OSBPL10: variants seen among roughly 807,000 people sequenced by gnomAD.
OSBPL10 encodes the protein oxysterol-binding protein-related protein 10.
Under a neutral mutation model 81.7 loss-of-function variants are expected in OSBPL10, and 49 were observed. That is an observed-to-expected ratio of 0.60 (90% confidence interval 0.48 to 0.76). OSBPL10 has a LOEUF of 0.76. Ranked by LOEUF, OSBPL10 falls within the 30% of genes least tolerant of loss-of-function variation. The pLI is 0.00. For missense variants in OSBPL10, 923 were observed against 987.8 expected (o/e 0.93, Z 0.88); for synonymous variants, 419 against 383.6 (o/e 1.09, Z -1.08).
chr3:31,824,943 A>T (rs558293412), intron 4 of OSBPL10, among the ~76,000 whole-genome samples: 1 of 152,148 alleles, frequency 6.6e-6, no homozygotes, highest in Non-Finnish European at 1.5e-5. Flanking sequence ...AGTATGGAAC[A>T]TTTCTGTTTT....
At chr3:31,823,358 G>A (rs1700025400) in intron 4 of OSBPL10, among the ~76,000 whole-genome samples, 1 of 152,188 alleles carries the variant, frequency 6.6e-6, no homozygotes, top group Non-Finnish European at 1.5e-5. Context: ...AATAAGATGT[G>A]ACCTTTCACA....
At chr3:31,790,436 T>C (rs971801532) in intron 4 of OSBPL10, among the ~76,000 whole-genome samples, 1 of 152,196 alleles carries the variant, frequency 6.6e-6, no homozygotes, top group African/African-American at 2.4e-5. Flanking sequence ...TCCTCAATCA[T>C]CCTCTGAATA....
chr3:32,012,510 G>A (rs1234580013), intron 2 of OSBPL10, among the ~76,000 whole-genome samples: 4 of 152,130 alleles, frequency 2.6e-5, no homozygotes, highest in African/African-American at 4.8e-5. Flanking sequence ...AAAGTCCATC[G>A]ATGCTAGGAA....
upstream of OSBPL10, among the ~76,000 whole-genome samples, chr3:31,982,225 T>C (rs1471846238): frequency 6.6e-6 from 1 of 152,202 alleles, no homozygotes; most frequent in Non-Finnish European, 1.5e-5. Flanking sequence ...TGGCTGTAAC[T>C]TCTGCGCCCC....
chr3:31,948,137 A>C (rs1697755098), intron 1 of OSBPL10, among the ~76,000 whole-genome samples: 1 of 152,052 alleles, frequency 6.6e-6, no homozygotes, highest in South Asian at 2.1e-4. Flanking sequence ...TTAGCAGCTA[A>C]CTCCCTCAAT....
chr3:31,997,532 G>T (rs1479294941), intron 2 of OSBPL10, among the ~76,000 whole-genome samples: 1 of 151,700 alleles, frequency 6.6e-6, no homozygotes, highest in Non-Finnish European at 1.5e-5. Flanking sequence ...CAAAATGCTG[G>T]GATTACAGCC....
chr3:31,923,879 T>C (rs1426332453), intron 1 of OSBPL10, among the ~76,000 whole-genome samples: 1 of 152,148 alleles, frequency 6.6e-6, no homozygotes, highest in Non-Finnish European at 1.5e-5. Flanking sequence ...CACAAATTCA[T>C]GTTATTTATA....
chr3:31,854,559 A>ATAT, intron 3 of OSBPL10, among the ~76,000 whole-genome samples: 2 of 152,338 alleles, frequency 1.3e-5, no homozygotes, highest in South Asian at 2.1e-4. Context: ...GACTATATAT[A>ATAT]ATTTTACAGT....
chr3:31,816,613 C>G (rs575535812), intron 4 of OSBPL10, among the ~76,000 whole-genome samples: 59 of 152,322 alleles, frequency 3.9e-4, no homozygotes, highest in Admixed American at 7.2e-4. Flanking sequence ...CTGTTAGTGG[C>G]TCCCTAAGGT....
At chr3:31,889,071 AG>A (rs1695817686) in intron 1 of OSBPL10, among the ~76,000 whole-genome samples, 1 of 152,248 alleles carries the variant, frequency 6.6e-6, no homozygotes, top group East Asian at 1.9e-4. Flanking sequence ...ACTAATCATT[AG>A]GAAAATGCAA....
At chr3:31,851,721 TCTC>T (rs1389540966) in intron 3 of OSBPL10, among the ~76,000 whole-genome samples, 1 of 152,124 alleles carries the variant, frequency 6.6e-6, no homozygotes, top group Non-Finnish European at 1.5e-5. Context: ...GTCATGCAGC[TCTC>T]CTCTGATTTG....
chr3:32,007,787 A>G (rs1407966112), intron 2 of OSBPL10, among the ~76,000 whole-genome samples: 1 of 150,570 alleles, frequency 6.6e-6, no homozygotes, highest in Admixed American at 6.6e-5. Context: ...GCTCACTGCA[A>G]CCTCCATCTC....
intron 4 of OSBPL10, among the ~76,000 whole-genome samples, chr3:31,822,399 C>T (rs996673542): frequency 1.3e-5 from 2 of 152,186 alleles, no homozygotes; most frequent in African/African-American, 4.8e-5. Flanking sequence ...TGCTACGAAT[C>T]CAAAGCCTCC....
chr3:31,842,638 G>C (rs1700527455), intron 3 of OSBPL10, among the ~76,000 whole-genome samples: 1 of 152,200 alleles, frequency 6.6e-6, no homozygotes, highest in South Asian at 2.1e-4. Context: ...GGTAGTACAT[G>C]AGAGTTTTTT....
chr3:31,664,777 G>T (rs1267506364), intron 10 of OSBPL10, among the ~76,000 whole-genome samples: 1 of 152,160 alleles, frequency 6.6e-6, no homozygotes. Context: ...GCTGATGCAT[G>T]TGTGATGTGT....
At chr3:31,828,853 A>T (rs1313746746) in intron 4 of OSBPL10, among the ~76,000 whole-genome samples, 2 of 152,224 alleles carry the variant, frequency 1.3e-5, no homozygotes, top group African/African-American at 4.8e-5. Flanking sequence ...TTTTTAACAC[A>T]TCAGGGTGAC....
At chr3:32,030,531 T>C (rs925587227) in intron 2 of OSBPL10, 1 of 746,918 alleles carries the variant, frequency 1.3e-6, no homozygotes, top group East Asian at 2.5e-5. Flanking sequence ...TGAAGGAAAA[T>C]GATCAGAAAA....
chr3:31,845,846 A>T (rs1456391426), intron 3 of OSBPL10, among the ~76,000 whole-genome samples: 1 of 152,134 alleles, frequency 6.6e-6, no homozygotes, highest in African/African-American at 2.4e-5. Flanking sequence ...CCATGAATGG[A>T]TTGCTACCAT....
At chr3:32,038,292 AT>A (rs1186115575) in intron 2 of OSBPL10, among the ~76,000 whole-genome samples, 3 of 152,232 alleles carry the variant, frequency 2.0e-5, no homozygotes, top group Non-Finnish European at 4.4e-5. Flanking sequence ...ACAGGATTCC[AT>A]TTATAATGAA....
Sources: gnomAD v4.1 joint callset for allele counts (sites outside exome capture counted in the v4.1 genomes callset) on GRCh38, gnomAD v4.1.1 for gene constraint, MANE v1.5 for transcripts, NCBI Gene and HGNC (gene_info 2026-07-23, HGNC 2026-07-21) for gene names.